Variants in IRS1 observed in about 807,000 individuals in gnomAD.
The protein encoded by IRS1 is insulin receptor substrate 1.
IRS1 carries 34 observed loss-of-function variants against 65.6 expected under a neutral mutation model. The ratio of observed to expected loss-of-function variants is 0.52; its 90% CI spans 0.39 to 0.69. The LOEUF is 0.69. Ranked by LOEUF, IRS1 falls within the 30% of genes least tolerant of loss-of-function variation. The probability of loss-of-function intolerance (pLI) is 0.00; values close to 1 mark genes in which losing one functional copy is unlikely to be tolerated. For synonymous variants in IRS1, 699 were observed against 683.5 expected (o/e 1.02, Z -0.35); for missense variants, 1,641 against 1,720.2 (o/e 0.95, Z 0.81).
Position 226,795,005 on chromosome 2 carries a change from TTGAGCTAC to T in IRS1, c.3726_*4del, listed in dbSNP as rs1559158447. The T allele has an allele frequency of 6.2e-7, 1 of 1,613,330 alleles. No homozygotes were observed. On this transcript the variant is annotated stop_lost and 3_prime_UTR_variant, in exon 1 of 2. Transcript: ENST00000305123. ...GAAACGCACCTGCTGTGATGTCCAG[TTGAGCTAC>T]TGACGGTCCTCTGGCTGCTTCTGGA...
chr2:226,796,337 G>A lies in IRS1; in HGVS notation c.2402C>T (p.Ala801Val). Reference protein sequence around the residue: ...LSTSSGRLLYAATADDSSSST... With the variant: ...LSTSSGRLLYVATADDSSSST... ...AGAGGAAGAATCATCTGCTGTTGCA[G>A]CATAGAGAAGGCGACCAGAGCTAGT... Residue 801 changes from alanine to valine, a missense_variant, in exon 1 of 2, where the codon GCT (alanine) becomes GTT (valine). By Grantham distance (64) the Ala-to-Val change is moderately conservative. This residue lies in a region of IRS1 where 1,324 missense variants were observed against 1,361.0 expected (regional missense o/e 0.97). Coordinates refer to ENST00000305123, the MANE Select transcript of IRS1 (RefSeq NM_005544.3). The A allele has an allele frequency of 6.2e-7, 1 of 1,613,342 alleles. No homozygotes were observed.
At position 226,794,247 on chromosome 2, in the gene IRS1, C is replaced by T. The variant is rs966850638; in HGVS notation, c.*21+742G>A. On this transcript the variant is annotated intron_variant, in intron 1 of 1. Transcript: ENST00000305123. The surrounding 1 kb of genome is among the most constrained non-coding windows in gnomAD (Gnocchi z 4.1). ...TCCCAGACACATACAGAGTTTCCTG[C>T]ATATCCTGTACAAGAGAGGCCAGGC... Among the ~76,000 whole-genome samples the T allele has an allele frequency of 1.3e-5, 2 of 152,276 alleles. No homozygotes were observed. The highest frequency in any genetic ancestry group is 2.1e-4 in the South Asian group (1 of 4,820).
At position 226,797,711 on chromosome 2, in the gene IRS1, T is replaced by A; in HGVS notation, c.1028A>T (p.Asp343Val). The change falls in exon 1 of 2, where the codon GAC becomes GTC. Residue 343 changes from aspartate (D) to valine (V), a missense_variant. By Grantham distance (152) the Asp-to-Val change is radical. Coordinates refer to ENST00000305123, the MANE Select transcript of IRS1 (RefSeq NM_005544.3). The surrounding 1 kb of genome is among the most constrained non-coding windows in gnomAD (Gnocchi z 8.1). ...GGTGCTGGGACTCACAGGGCTGCCG[T>A]CCACCGAGGCTGGGCGGGACATGGT... ...EGTMSRPASVDGSPVSPSTNR... is the reference protein window; with the variant it reads ...EGTMSRPASVVGSPVSPSTNR... The A allele has an allele frequency of 6.3e-7, 1 of 1,597,594 alleles. No individual in the cohort carries two copies. Among genetic ancestry groups the A allele is most frequent in the Non-Finnish European group, 8.5e-7 (1 of 1,178,774 alleles).
chr2:226,740,499 G>C (rs1938416131), intron 1 of IRS1, among the ~76,000 whole-genome samples: 1 of 152,080 alleles, frequency 6.6e-6, no homozygotes, highest in Non-Finnish European at 1.5e-5. Flanking sequence ...TAAAGACTTT[G>C]CTTCCTTTTA....
At position 226,797,584 on chromosome 2, in the gene IRS1, C is replaced by T. The variant is rs1196396132; in HGVS notation, c.1155G>A (p.Ser385=). ...IPMPASRCSP[S]ATSPVSLSSS... is the part of the protein sequence containing the mutation. ...ACGACAGACTGACCGGGCTGGTGGC[C>T]GAAGGCGAGCAGCGGGAAGCCGGCA... Residue 385 remains serine (S), a synonymous_variant, in exon 1 of 2, where the codon TCG becomes TCA. Transcript: ENST00000305123. The surrounding 1 kb of genome is among the most constrained non-coding windows in gnomAD (Gnocchi z 8.1). 9.4e-6 allele frequency: 15 copies of T among 1,591,700 alleles called. No individual in the cohort carries two copies. Among genetic ancestry groups the T allele is most frequent in the South Asian group, 4.5e-5 (4 of 88,038 alleles).
At position 226,732,012 on chromosome 2, in the gene IRS1, T is replaced by C. The variant is rs1938229745; in HGVS notation, c.*4260A>G. The C allele has an allele frequency of 6.6e-6, 1 of 152,140 alleles. No individual in the cohort carries two copies. The highest frequency in any genetic ancestry group is 1.5e-5 in the Non-Finnish European group (1 of 68,026). The allele number at this position is 152,140 out of a possible 1,614,324, so 9.4% of individuals were successfully genotyped here. ...GATCTTTTGGTGTATACGTCACAAA[T>C]GGCAAGTCATACACAAACTAGAAAA... On this transcript the variant is annotated 3_prime_UTR_variant, in exon 2 of 2. Coordinates refer to ENST00000305123, the MANE Select transcript of IRS1 (RefSeq NM_005544.3).
intron 1 of IRS1, among the ~76,000 whole-genome samples, chr2:226,747,275 T>C (rs1331856459): frequency 6.6e-6 from 1 of 152,146 alleles, no homozygotes; most frequent in Non-Finnish European, 1.5e-5. Flanking sequence ...GAAACATGTC[T>C]TTCCTTGCAA....
At chr2:226,737,312 T>C (rs1006869633) in intron 1 of IRS1, among the ~76,000 whole-genome samples, 2 of 152,064 alleles carry the variant, frequency 1.3e-5, no homozygotes, top group African/African-American at 4.8e-5. Flanking sequence ...ATGGTGTATA[T>C]GTGCCACATT....
At chr2:226,779,847 G>A (rs1267778114) in intron 1 of IRS1, among the ~76,000 whole-genome samples, 5 of 152,204 alleles carry the variant, frequency 3.3e-5, no homozygotes, top group African/African-American at 4.8e-5. Flanking sequence ...ACAAAAGTCA[G>A]GGAATGCAGG....
chr2:226,786,296 T>G (rs1201113093), intron 1 of IRS1, among the ~76,000 whole-genome samples: 1 of 152,110 alleles, frequency 6.6e-6, no homozygotes, highest in Non-Finnish European at 1.5e-5. Flanking sequence ...ATTTGATCAC[T>G]AGAAACTTTG....
In IRS1 at chr2:226,795,225, C is replaced by T. The variant is rs1939686803; in HGVS notation, c.3514G>A (p.Gly1172Ser). The T allele has an allele frequency of 9.3e-6, 15 of 1,613,936 alleles. No individual in the cohort carries two copies. Among genetic ancestry groups the T allele is most frequent in the Non-Finnish European group, 1.3e-5 (15 of 1,180,014 alleles). ...ATGTAGTTAAGACCATTCTCCAAAC[C>T]CCCAGCAGCCCCACACAGTTTGGCT... ...EPAKLCGAAGGLENGLNYIDL... is the reference protein window; with the variant it reads ...EPAKLCGAAGSLENGLNYIDL... The change falls in exon 1 of 2, where the codon GGT becomes AGT. Residue 1172 changes from glycine to serine, a missense_variant. Physicochemically the swap from Gly to Ser is moderately conservative, Grantham distance 56. Coordinates refer to ENST00000305123, the MANE Select transcript of IRS1 (RefSeq NM_005544.3).
chr2:226,741,035 T>C (rs1387066720), intron 1 of IRS1, among the ~76,000 whole-genome samples: 3 of 151,920 alleles, frequency 2.0e-5, no homozygotes, highest in African/African-American at 7.3e-5. Context: ...ATACAGAAAA[T>C]GTATAAAATA....
chr2:226,788,476 T>A (rs1354960217), intron 1 of IRS1, among the ~76,000 whole-genome samples: 1 of 152,150 alleles, frequency 6.6e-6, no homozygotes, highest in African/African-American at 2.4e-5. Flanking sequence ...ACAAATAACA[T>A]TTATCCAACC....
Position 226,797,284 on chromosome 2 carries a change from C to T in IRS1, c.1455G>A (p.Leu485=). ...TLTAPNGHYI[L]SRGGNGHRCT... is the part of the protein sequence containing the mutation. ...AGCGGTGGCCATTGCCACCCCGAGA[C>T]AAAATGTAGTGACCGTTGGGGGCGG... Residue 485 remains leucine, a synonymous_variant, in exon 1 of 2, where the codon TTG becomes TTA. Transcript: ENST00000305123. This position sits in a 1 kb window ranked among gnomAD's most constrained non-coding sequence, Gnocchi z 8.1. The T allele has an allele frequency of 3.1e-6, 5 of 1,613,590 alleles. No individual in the cohort carries two copies. The South Asian group carries it at 5.5e-5, about 18-fold the overall frequency.
chr2:226,790,995 C>T (rs994056672), intron 1 of IRS1, among the ~76,000 whole-genome samples: 2 of 152,182 alleles, frequency 1.3e-5, no homozygotes, highest in African/African-American at 2.4e-5. Flanking sequence ...ACACACTACC[C>T]AAACCCTTGT....
In IRS1 at chr2:226,736,201, G is replaced by A. The variant is rs1056895547; in HGVS notation, c.*71C>T. 5 of 152,320 alleles carry A rather than the reference G, an allele frequency of 3.3e-5. No homozygotes were observed. Among genetic ancestry groups the A allele is most frequent in the Non-Finnish European group, 7.4e-5 (5 of 68,004 alleles). The allele number at this position is 152,320 out of a possible 1,614,324, so 9.4% of individuals were successfully genotyped here. On this transcript the variant is annotated 3_prime_UTR_variant, in exon 2 of 2. Coordinates refer to ENST00000305123, the MANE Select transcript of IRS1 (RefSeq NM_005544.3). Reference sequence around the variant, plus strand: ...TGAATCATGAAATATTTAGAGTCTGGGTACCCATGAGTTAGAAGAGGATTT... The same window carrying A: ...TGAATCATGAAATATTTAGAGTCTGAGTACCCATGAGTTAGAAGAGGATTT...
At position 226,796,949 on chromosome 2, in the gene IRS1, C is replaced by T. The variant is rs139287405; in HGVS notation, c.1790G>A (p.Gly597Glu). ...GGTGGAGCTGTCTGGGCGGTGGTGC[C>T]CCCCCCGACGCTCCAAGGGGTGCAT... ...LEMHPLERRG[G>E]HHRPDSSTLH... Residue 597 changes from glycine (G) to glutamate (E), a missense_variant, in exon 1 of 2, where the codon GGG becomes GAG. Physicochemically the swap from Gly to Glu is moderately conservative, Grantham distance 98. Coordinates refer to ENST00000305123, the MANE Select transcript of IRS1 (RefSeq NM_005544.3). 1,120 of 1,560,252 alleles carry T rather than the reference C, an allele frequency of 7.2e-4. 14 individuals carry two copies. Among genetic ancestry groups the T allele is most frequent in the Middle Eastern group, 6.9e-4 (4 of 5,798 alleles).
intron 1 of IRS1, among the ~76,000 whole-genome samples, chr2:226,784,620 G>A (rs1022270962): frequency 3.3e-5 from 5 of 151,830 alleles, no homozygotes; most frequent in African/African-American, 7.3e-5. Flanking sequence ...ACGGGGTTTC[G>A]CCATGATGGC....
At chr2:226,791,220 C>T (rs764020534) in intron 1 of IRS1, among the ~76,000 whole-genome samples, 11 of 152,170 alleles carry the variant, frequency 7.2e-5, no homozygotes, top group Non-Finnish European at 1.2e-4. Flanking sequence ...AGGTCTCTCT[C>T]CCTCCCTTGG....
Sources: gnomAD v4.1 joint callset for allele counts (sites outside exome capture counted in the v4.1 genomes callset) on GRCh38, gnomAD v4.1.1 for gene constraint, gnomAD v4.1.1 regional missense constraint, Gnocchi (gnomAD v3.1) non-coding constraint, MANE v1.5 for transcripts, NCBI Gene and HGNC (gene_info 2026-07-23, HGNC 2026-07-21) for gene names.